OSBPL10: variants seen among roughly 807,000 people sequenced by gnomAD.
OSBPL10 encodes oxysterol-binding protein-related protein 10.
Under a neutral mutation model 81.7 loss-of-function variants are expected in OSBPL10, and 49 were observed. The ratio of observed to expected loss-of-function variants is 0.60; its 90% CI spans 0.48 to 0.76. OSBPL10 has a LOEUF of 0.76. Among genes scored for constraint, OSBPL10 ranks in the 30% least tolerant of loss-of-function variants. The probability of loss-of-function intolerance (pLI) is 0.00; values close to 1 mark genes in which losing one functional copy is unlikely to be tolerated. For synonymous variants in OSBPL10, 419 were observed against 383.6 expected, an observed-to-expected ratio of 1.09 and a Z score of -1.08; for missense variants, 923 against 987.8, an observed-to-expected ratio of 0.93 and a Z score of 0.88.
intron 2 of OSBPL10, chr3:31,989,511 G>A: frequency 6.2e-7 from 1 of 1,614,138 alleles, no homozygotes; most frequent in Non-Finnish European, 8.5e-7. Flanking sequence ...ATGATCGAAG[G>A]CATCCTGGAA....
At chr3:32,030,937 G>A (rs944638551) in intron 2 of OSBPL10, among the ~76,000 whole-genome samples, 2 of 152,088 alleles carry the variant, frequency 1.3e-5, no homozygotes, top group East Asian at 1.9e-4. Flanking sequence ...AGGCCGAGGC[G>A]GGTGGATCAC....
intron 5 of OSBPL10, among the ~76,000 whole-genome samples, chr3:31,734,891 C>A (rs1418756578): frequency 1.3e-5 from 2 of 152,182 alleles, no homozygotes; most frequent in Non-Finnish European, 2.9e-5. Flanking sequence ...CTCAGATGTT[C>A]CATCCATAAA....
chr3:32,049,462 GGA>G (rs1355513898), intron 1 of OSBPL10, among the ~76,000 whole-genome samples: 4 of 152,082 alleles, frequency 2.6e-5, no homozygotes, highest in African/African-American at 9.7e-5. Flanking sequence ...GCCCAACTTA[GGA>G]GAGTCTCTCT....
chr3:31,957,059 C>T lies in OSBPL10; in HGVS notation c.281+23840G>A, dbSNP rs143790536. Among the ~76,000 whole-genome samples the T allele has an allele frequency of 6.4e-3, 976 of 151,800 alleles. 11 individuals carry two copies. The highest frequency in any genetic ancestry group is 0.022 in the African/African-American group (908 of 41,378). Reference sequence around the variant, plus strand: ...CTGAAGTGGGAGGATCACCTGAGCCCGGGAGGCAGAGGGTGCAGTGGGCCA... The same window carrying T: ...CTGAAGTGGGAGGATCACCTGAGCCTGGGAGGCAGAGGGTGCAGTGGGCCA... On this transcript the variant is annotated intron_variant, in intron 1 of 11. Transcript: ENST00000396556.
intron 4 of OSBPL10, among the ~76,000 whole-genome samples, chr3:31,816,328 A>G (rs1258126829): frequency 6.6e-6 from 1 of 152,170 alleles, no homozygotes; most frequent in East Asian, 1.9e-4. Flanking sequence ...GGCTGCAAAC[A>G]TCACTCCATC....
intron 3 of OSBPL10, among the ~76,000 whole-genome samples, chr3:31,859,688 C>A (rs1483548907): frequency 6.6e-6 from 1 of 152,192 alleles, no homozygotes; most frequent in Non-Finnish European, 1.5e-5. Context: ...AAGGGAACAT[C>A]ACTAACGTCA....
At chr3:31,789,023 G>A (rs925000765) in intron 4 of OSBPL10, among the ~76,000 whole-genome samples, 1 of 151,756 alleles carries the variant, frequency 6.6e-6, no homozygotes, top group African/African-American at 2.4e-5. Context: ...CTGTCACCCA[G>A]GCTGGAGTGC....
intron 2 of OSBPL10, among the ~76,000 whole-genome samples, chr3:32,042,371 A>G (rs770974126): frequency 3.0e-4 from 45 of 152,188 alleles, no homozygotes; most frequent in Non-Finnish European, 5.7e-4. Flanking sequence ...TTTGCTGTTT[A>G]TTATGCAGCA....
rs565514671 is a variant in OSBPL10, at chr3:31,990,469, C to A, written n.298+56022G>T. 4.0e-5 allele frequency: 61 copies of A among 1,524,446 alleles called. No homozygotes were observed. The Middle Eastern group carries it at 7.8e-4, about 20-fold the overall frequency. The allele number at this position is 1,524,446 out of a possible 1,614,324, so 94.4% of individuals were successfully genotyped here. On this transcript the variant is annotated intron_variant and non_coding_transcript_variant, in intron 2 of 3. Coordinates refer to the OSBPL10 transcript ENST00000479173. ...GTGTAATGAGTGTGGCAAGACCTTC[C>A]ATCACAATTCAGCCCTTGTAATTCA...
chr3:31,744,651 T>G (rs1190172265), intron 5 of OSBPL10, among the ~76,000 whole-genome samples: 1 of 151,184 alleles, frequency 6.6e-6, no homozygotes, highest in East Asian at 1.9e-4. Flanking sequence ...TGATGTGACA[T>G]AATTTTAGGG....
At chr3:31,878,746 C>T (rs758706494) in intron 2 of OSBPL10, among the ~76,000 whole-genome samples, 4 of 151,916 alleles carry the variant, frequency 2.6e-5, no homozygotes, top group Non-Finnish European at 5.9e-5. Flanking sequence ...AATTTTCAAC[C>T]ACCTCTCAAT....
At chr3:31,887,020 C>T (rs374147812) in intron 1 of OSBPL10, among the ~76,000 whole-genome samples, 8 of 152,220 alleles carry the variant, frequency 5.3e-5, no homozygotes, top group South Asian at 4.2e-4. Context: ...GACACCCCCA[C>T]GAACACACTA....
At chr3:31,791,763 C>A in intron 4 of OSBPL10, among the ~76,000 whole-genome samples, 1 of 150,730 alleles carries the variant, frequency 6.6e-6, no homozygotes, top group African/African-American at 2.4e-5. Context: ...AAAAATAGAC[C>A]ACTAGGTAAG....
chr3:31,822,562 G>A (rs1700004072), intron 4 of OSBPL10, among the ~76,000 whole-genome samples: 1 of 152,064 alleles, frequency 6.6e-6, no homozygotes, highest in Non-Finnish European at 1.5e-5. Flanking sequence ...AATTGAACTT[G>A]TGTCTATTGA....
chr3:32,002,502 C>A (rs1004086620), intron 2 of OSBPL10, among the ~76,000 whole-genome samples: 2 of 152,144 alleles, frequency 1.3e-5, no homozygotes, highest in Non-Finnish European at 2.9e-5. Context: ...GACCCAGGAA[C>A]CTGTTTGCTG....
At position 32,068,337 on chromosome 3, in the gene OSBPL10, T is replaced by A. The variant is rs375736182; in HGVS notation, n.185+9059A>T. ...TGCCTGCCTTGGTCATTCACCCACA[T>A]TCCCTTGGTGGCAAGTCAATTGCAG... On this transcript the variant is annotated intron_variant and non_coding_transcript_variant, in intron 1 of 3. Transcript: ENST00000479173. 1.8e-4 allele frequency among the ~76,000 whole-genome samples: 27 copies of A among 152,262 alleles called. 1 individual carries two copies. In the East Asian group the frequency reaches 2.7e-3, roughly 15 times the overall value.
At chr3:31,823,620 T>C (rs1000350409) in intron 4 of OSBPL10, among the ~76,000 whole-genome samples, 1 of 152,108 alleles carries the variant, frequency 6.6e-6, no homozygotes, top group African/African-American at 2.4e-5. Flanking sequence ...TAAAAAGAAA[T>C]AGGTAGAATA....
chr3:31,774,558 G>A (rs1273019826), intron 4 of OSBPL10, among the ~76,000 whole-genome samples: 3 of 151,808 alleles, frequency 2.0e-5, no homozygotes, highest in African/African-American at 7.3e-5. Context: ...TGTAGCCCAG[G>A]CTGGAGTGCA....
intron 1 of OSBPL10, among the ~76,000 whole-genome samples, chr3:32,055,069 G>A (rs943032574): frequency 6.6e-6 from 1 of 151,412 alleles, no homozygotes; most frequent in Non-Finnish European, 1.5e-5. Flanking sequence ...AAGAACAGGA[G>A]TTAACTGCAT....
Sources: allele counts gnomAD v4.1 joint callset (sites outside exome capture counted in the v4.1 genomes callset), GRCh38; gene constraint gnomAD v4.1.1; transcripts MANE v1.5; gene names NCBI Gene and HGNC (gene_info 2026-07-23, HGNC 2026-07-21).